PCBP3: variants seen among roughly 807,000 people sequenced by gnomAD.
PCBP3 encodes poly(rC)-binding protein 3.
Under a neutral mutation model 52.7 loss-of-function variants are expected in PCBP3, and 25 were observed. The ratio of observed to expected loss-of-function variants is 0.47; its 90% CI spans 0.35 to 0.66. The LOEUF is 0.66. Among genes scored for constraint, PCBP3 ranks in the 30% least tolerant of loss-of-function variants. The pLI is 0.01. For synonymous variants in PCBP3, 162 were observed against 183.0 expected, an observed-to-expected ratio of 0.89 and a Z score of 0.93; for missense variants, 391 against 490.3, an observed-to-expected ratio of 0.80 and a Z score of 1.91.
At position 45,917,788 on chromosome 21, in the gene PCBP3, A is replaced by C; in HGVS notation, c.717+159A>C. ...TGTCGTATCCATATGACCTCGAATA[A>C]CCTTTTAACCTCTTAGCACTAATTC... is the stretch of plus-strand genomic sequence containing the variant. On this transcript the variant is annotated intron_variant, in intron 13 of 17. Coordinates refer to ENST00000681687, the MANE Select transcript of PCBP3 (RefSeq NM_001384156.1). The surrounding 1 kb of genome is among the most constrained non-coding windows in gnomAD (Gnocchi z 5.3). The C allele has an allele frequency of 1.4e-6, 1 of 696,756 alleles. No homozygotes were observed. The allele number at this position is 696,756 out of a possible 1,614,324, so 43.2% of individuals were successfully genotyped here. A position where few individuals can be genotyped will look rare whatever the true frequency, so the allele number is the denominator to read the frequency against.
intron 2 of PCBP3, among the ~76,000 whole-genome samples, chr21:45,714,829 A>T (rs571326328): frequency 7.2e-5 from 11 of 152,248 alleles, no homozygotes; most frequent in African/African-American, 2.6e-4. Flanking sequence ...ACTATTTTGG[A>T]GGCACGTTTT....
intron 2 of PCBP3, among the ~76,000 whole-genome samples, chr21:45,729,616 G>C (rs2085308070): frequency 6.6e-6 from 1 of 151,920 alleles, no homozygotes; most frequent in South Asian, 2.1e-4. Flanking sequence ...ATTGTGGTTT[G>C]ACCTAATTGT....
chr21:45,901,276 A>T (rs2096029470), intron 9 of PCBP3, 163 bp downstream of exon 9: 2 of 619,182 alleles, frequency 3.2e-6, no homozygotes, highest in African/African-American at 1.8e-5. Context: ...GCCTCTCCGC[A>T]GCTCTGGTTC....
At chr21:45,697,699 C>G (rs955216853) in intron 2 of PCBP3, among the ~76,000 whole-genome samples, 7 of 150,834 alleles carry the variant, frequency 4.6e-5, no homozygotes, top group Admixed American at 4.0e-4. Flanking sequence ...GAGCCATGAT[C>G]ATGACACTGC....
At chr21:45,905,509 T>A (rs1379469400) in intron 9 of PCBP3, among the ~76,000 whole-genome samples, 1 of 152,236 alleles carries the variant, frequency 6.6e-6, no homozygotes, top group Non-Finnish European at 1.5e-5. Flanking sequence ...CAGCACACTG[T>A]CCCAGCCTGC....
At chr21:45,825,375 G>A (rs2093279081) in intron 4 of PCBP3, among the ~76,000 whole-genome samples, 1 of 152,146 alleles carries the variant, frequency 6.6e-6, no homozygotes. Context: ...TAGGAAATGA[G>A]GCAAGGGAGA....
intron 4 of PCBP3, among the ~76,000 whole-genome samples, chr21:45,809,511 G>A (rs1289563194): frequency 6.6e-6 from 1 of 152,214 alleles, no homozygotes; most frequent in East Asian, 1.9e-4. Context: ...TTCTGGGCTG[G>A]GGCCTGTCAG....
At position 45,935,177 on chromosome 21, in the gene PCBP3, G is replaced by C. The variant is rs1020021468; in HGVS notation, c.857-76G>C. On this transcript the variant is annotated intron_variant, in intron 15 of 17. Coordinates refer to ENST00000681687, the MANE Select transcript of PCBP3 (RefSeq NM_001384156.1). ...CAGCCCTGTCTCACTTGACCCAGGAGAGTGAGGGACAGGCACTGGAGTGTG... is the reference window on the plus strand; with the variant it reads ...CAGCCCTGTCTCACTTGACCCAGGACAGTGAGGGACAGGCACTGGAGTGTG... 7.0e-6 allele frequency: 7 copies of C among 998,750 alleles called. No homozygotes were observed. The African/African-American group carries it at 9.5e-5, about 14-fold the overall frequency. The allele number at this position is 998,750 out of a possible 1,614,324, so 61.9% of individuals were successfully genotyped here.
chr21:45,933,010 A>G (rs1052342522), intron 15 of PCBP3, among the ~76,000 whole-genome samples: 2 of 151,672 alleles, frequency 1.3e-5, no homozygotes, highest in Admixed American at 6.5e-5. Flanking sequence ...CACATCGGCC[A>G]TGCTGTCTTG....
At chr21:45,822,121 C>T (rs1052021412) in intron 4 of PCBP3, among the ~76,000 whole-genome samples, 9 of 152,188 alleles carry the variant, frequency 5.9e-5, no homozygotes, top group Admixed American at 3.3e-4. Context: ...CCATAGCCTC[C>T]GGTATCTCTC....
At chr21:45,908,336 G>C (rs1465539020) in intron 9 of PCBP3, among the ~76,000 whole-genome samples, 2 of 152,170 alleles carry the variant, frequency 1.3e-5, no homozygotes, top group Non-Finnish European at 2.9e-5. Flanking sequence ...TTGACACACA[G>C]AGCCTCTCCC....
chr21:45,782,707 T>TA (rs1226241588), intron 4 of PCBP3, among the ~76,000 whole-genome samples: 1 of 152,126 alleles, frequency 6.6e-6, no homozygotes, highest in African/African-American at 2.4e-5. Flanking sequence ...ATGAACAAAT[T>TA]AAAAAAGCAA....
intron 4 of PCBP3, among the ~76,000 whole-genome samples, chr21:45,797,449 A>AGAGTGAATGCATGGATAGAC (rs2091989811): frequency 3.3e-5 from 5 of 152,106 alleles, no homozygotes; most frequent in African/African-American, 1.2e-4. Context: ...GGATCCACAG[A>AGAGTGAATGCATGGATAGAC]GAGTGAATGC....
chr21:45,646,722 A>C (rs1188120897), intron 1 of PCBP3, among the ~76,000 whole-genome samples: 1 of 152,216 alleles, frequency 6.6e-6, no homozygotes, highest in Non-Finnish European at 1.5e-5. Flanking sequence ...ACATTTCAGC[A>C]TGAGTTTTGG....
At position 45,837,282 on chromosome 21, in the gene PCBP3, A is replaced by C. The variant is rs1034136845; in HGVS notation, c.-125-12679A>C. Among the ~76,000 whole-genome samples, 1 of 152,148 alleles carries C rather than the reference A, an allele frequency of 6.6e-6. No individual in the cohort carries two copies. Among genetic ancestry groups the C allele is most frequent in the Non-Finnish European group, 1.5e-5 (1 of 68,020 alleles). On this transcript the variant is annotated intron_variant, in intron 4 of 17. Transcript: ENST00000681687. This position sits in a 1 kb window ranked among gnomAD's most constrained non-coding sequence, Gnocchi z 4.1. ...CACATGCTCTTGTGCTGTGACTTTGATGCACCTCCCGCCAGGGAGGGGATC... is the reference window on the plus strand; with the variant it reads ...CACATGCTCTTGTGCTGTGACTTTGCTGCACCTCCCGCCAGGGAGGGGATC...
chr21:45,812,173 A>G (rs560414228), intron 4 of PCBP3, among the ~76,000 whole-genome samples: 8 of 152,328 alleles, frequency 5.3e-5, no homozygotes, highest in African/African-American at 1.9e-4. Flanking sequence ...TAACTTCTGC[A>G]CATGCTATCA....
intron 2 of PCBP3, among the ~76,000 whole-genome samples, chr21:45,697,788 C>A (rs955802667): frequency 6.6e-6 from 1 of 151,850 alleles, no homozygotes; most frequent in Non-Finnish European, 1.5e-5. Flanking sequence ...AGGAATTATT[C>A]TCCTACTTAT....
At chr21:45,901,652 G>GAGAAAGAGAGAGAGAGGA (rs1569474315) in intron 9 of PCBP3, 1 of 90,086 alleles carries the variant, frequency 1.1e-5, no homozygotes. Context: ...GACAGAGAGA[G>GAGAAAGAGAGAGAGAGGA]AGACAGAGAG....
intron 2 of PCBP3, among the ~76,000 whole-genome samples, chr21:45,681,512 A>C (rs906555314): frequency 3.3e-5 from 5 of 152,190 alleles, no homozygotes; most frequent in Non-Finnish European, 5.9e-5. Flanking sequence ...TGAAAAATGC[A>C]ACCTGGTCTT....
Sources: gnomAD v4.1 joint callset for allele counts (sites outside exome capture counted in the v4.1 genomes callset) on GRCh38, gnomAD v4.1.1 for gene constraint, Gnocchi (gnomAD v3.1) non-coding constraint, MANE v1.5 for transcripts, NCBI Gene and HGNC (gene_info 2026-07-23, HGNC 2026-07-21) for gene names.